PRSS23: variants seen among roughly 807,000 people sequenced by gnomAD.
The protein encoded by PRSS23 is serine protease 23.
In PRSS23, 25 loss-of-function variants were observed where a neutral mutation model predicts 34.7. That is an observed-to-expected ratio of 0.72 (90% confidence interval 0.53 to 1.01). The LOEUF (loss-of-function observed/expected upper bound fraction) is 1.01. Among genes scored for constraint, PRSS23 ranks in the 50% least tolerant of loss-of-function variants. PRSS23 has a pLI of 0.00. For missense variants in PRSS23, 445 were observed against 475.6 expected (o/e 0.94, Z 0.60); for synonymous variants, 176 against 186.6 (o/e 0.94, Z 0.46).
intron 2 of PRSS23, among the ~76,000 whole-genome samples, chr11:86,923,442 TAAATTA>T (rs1470814339): frequency 2.6e-5 from 4 of 152,230 alleles, no homozygotes; most frequent in Non-Finnish European, 4.4e-5. Context: ...TAGAAAATTT[TAAATTA>T]CATGTATGGC....
intron 2 of PRSS23, among the ~76,000 whole-genome samples, chr11:86,885,127 G>A (rs577616881): frequency 3.3e-5 from 5 of 152,024 alleles, no homozygotes; most frequent in South Asian, 4.2e-4. Context: ...ATAAGTATTC[G>A]GTGATTAAAT....
intron 2 of PRSS23, among the ~76,000 whole-genome samples, chr11:86,929,614 G>C (rs1156431592): frequency 6.6e-6 from 1 of 152,228 alleles, no homozygotes; most frequent in African/African-American, 2.4e-5. Flanking sequence ...GGATGACAAA[G>C]CGAGACTCCG....
At chr11:86,806,838 C>G (rs1948107021) in intron 1 of PRSS23, among the ~76,000 whole-genome samples, 1 of 152,040 alleles carries the variant, frequency 6.6e-6, no homozygotes, top group African/African-American at 2.4e-5. Context: ...GAAAAAGTAA[C>G]CAATGGTAAC....
At chr11:86,868,009 G>T (rs1440306845) in intron 2 of PRSS23, among the ~76,000 whole-genome samples, 1 of 152,012 alleles carries the variant, frequency 6.6e-6, no homozygotes, top group Admixed American at 6.5e-5. Flanking sequence ...TCACCTCAGG[G>T]ACCCCACTAC....
At chr11:86,934,564 T>G (rs1018970168) in intron 2 of PRSS23, 2 of 152,228 alleles carry the variant, frequency 1.3e-5, no homozygotes, top group Non-Finnish European at 2.9e-5. Context: ...AGAAGTATCT[T>G]TTAAGCTCCT....
At chr11:86,932,681 C>T (rs987036383) in intron 2 of PRSS23, 4 of 151,770 alleles carry the variant, frequency 2.6e-5, no homozygotes, top group Non-Finnish European at 5.9e-5. Flanking sequence ...CTCAAAACCA[C>T]TTGGAATGAG....
intron 2 of PRSS23, among the ~76,000 whole-genome samples, chr11:86,831,875 T>A (rs1420284783): frequency 6.6e-6 from 1 of 151,898 alleles, no homozygotes; most frequent in Non-Finnish European, 1.5e-5. Context: ...ATGTCACAGG[T>A]GATGTGCACC....
intron 2 of PRSS23, among the ~76,000 whole-genome samples, chr11:86,852,872 G>A (rs879705016): frequency 4.0e-5 from 6 of 151,670 alleles, no homozygotes; most frequent in Admixed American, 2.0e-4. Flanking sequence ...GTTTGTTTTG[G>A]AGACAGAATC....
At chr11:86,829,488 C>T (rs376311767) in intron 2 of PRSS23, among the ~76,000 whole-genome samples, 1 of 152,330 alleles carries the variant, frequency 6.6e-6, no homozygotes, top group East Asian at 1.9e-4. Flanking sequence ...TCTCTCAACT[C>T]GTCAAAGTCA....
intron 2 of PRSS23, among the ~76,000 whole-genome samples, chr11:86,856,133 T>C (rs937977334): frequency 7.9e-5 from 12 of 152,204 alleles, no homozygotes; most frequent in African/African-American, 2.9e-4. Flanking sequence ...TATAAATCTA[T>C]AACTTCAACA....
intron 2 of PRSS23, among the ~76,000 whole-genome samples, chr11:86,830,784 G>T (rs1040549083): frequency 6.6e-6 from 1 of 152,114 alleles, no homozygotes; most frequent in Non-Finnish European, 1.5e-5. Context: ...ATCCTAGGAA[G>T]ATATTACTCC....
At chr11:86,863,517 C>T (rs1948629879) in intron 2 of PRSS23, among the ~76,000 whole-genome samples, 1 of 152,198 alleles carries the variant, frequency 6.6e-6, no homozygotes, top group African/African-American at 2.4e-5. Context: ...CAGTCTACTA[C>T]ATTCCTTGCC....
chr11:86,929,882 A>G (rs1250487455), intron 2 of PRSS23, among the ~76,000 whole-genome samples: 1 of 152,192 alleles, frequency 6.6e-6, no homozygotes, highest in Admixed American at 6.5e-5. Context: ...TAAGTTGTGA[A>G]ATGGAAAACT....
intron 2 of PRSS23, among the ~76,000 whole-genome samples, chr11:86,927,511 T>C (rs1250775270): frequency 6.6e-6 from 1 of 152,170 alleles, no homozygotes; most frequent in Non-Finnish European, 1.5e-5. Context: ...TTTTTAAATT[T>C]TTTTTTAGAT....
At chr11:86,879,928 AC>A (rs1385295135) in intron 2 of PRSS23, among the ~76,000 whole-genome samples, 2 of 144,338 alleles carry the variant, frequency 1.4e-5, no homozygotes, top group East Asian at 4.1e-4. Flanking sequence ...CCCGGCCACC[AC>A]CCCGTCTGGG....
intron 1 of PRSS23, among the ~76,000 whole-genome samples, chr11:86,820,688 C>T (rs1215639930): frequency 6.6e-6 from 1 of 152,174 alleles, no homozygotes; most frequent in African/African-American, 2.4e-5. Flanking sequence ...GGAAAGTTAA[C>T]AGGTAAGACA....
chr11:86,833,813 C>T (rs1565360143), intron 2 of PRSS23, among the ~76,000 whole-genome samples: 2 of 152,118 alleles, frequency 1.3e-5, no homozygotes, highest in African/African-American at 2.4e-5. Flanking sequence ...CTCTCAGTCC[C>T]CCCTCTCAAC....
At chr11:86,941,061 T>C (rs976570649) in intron 2 of PRSS23, 19 of 152,158 alleles carry the variant, frequency 1.2e-4, no homozygotes, top group African/African-American at 4.1e-4. Context: ...ACATTCTGAA[T>C]TCTGGGGGTG....
rs1565350822 is a variant in PRSS23, at chr11:86,808,267, C to G, written c.624C>G (p.Asp208Glu). 1 of 1,614,102 alleles carries G rather than the reference C, an allele frequency of 6.2e-7. No individual in the cohort carries two copies. The highest frequency in any genetic ancestry group is 1.1e-5 in the South Asian group (1 of 91,082). Residue 208 changes from aspartate to glutamate, a missense_variant, in exon 2 of 2, where the codon GAC becomes GAG. By Grantham distance (45) the Asp-to-Glu change is conservative. Coordinates refer to ENST00000280258, the MANE Select transcript of PRSS23 (RefSeq NM_007173.6). ...AAGATGGTGGTCGAGGGGCCAACGA[C>G]TCCACTTCAGCCATGCCCGAGCAGA... ...KFKDGGRGAN[D>E]STSAMPEQMK...
Sources: gnomAD v4.1 joint callset for allele counts (sites outside exome capture counted in the v4.1 genomes callset) on GRCh38, gnomAD v4.1.1 for gene constraint, MANE v1.5 for transcripts, NCBI Gene and HGNC (gene_info 2026-07-23, HGNC 2026-07-21) for gene names.